Variants in GRIK1 observed in about 807,000 individuals in gnomAD.
GRIK1 encodes glutamate receptor ionotropic, kainate 1.
A neutral mutation model predicts 105.7 loss-of-function variants in GRIK1; 69 were observed. That is an observed-to-expected ratio of 0.65 (90% CI 0.54 to 0.80). The LOEUF (loss-of-function observed/expected upper bound fraction) is 0.80, where lower values mean the gene tolerates loss of function less well. Among genes scored for constraint, GRIK1 ranks in the 30% least tolerant of loss-of-function variants. GRIK1 has a pLI of 0.00. For synonymous variants in GRIK1, 438 were observed against 431.3 expected, an observed-to-expected ratio of 1.02 and a Z score of -0.19; for missense variants, 1,109 against 1,167.3, an observed-to-expected ratio of 0.95 and a Z score of 0.73.
At chr21:29,705,372 A>G (rs991571746) in intron 1 of GRIK1, among the ~76,000 whole-genome samples, 11 of 152,228 alleles carry the variant, frequency 7.2e-5, no homozygotes, top group Non-Finnish European at 1.2e-4. Context: ...CTACACAATG[A>G]CATTTGTCTC....
At chr21:29,722,833 T>C (rs2064356466) in intron 1 of GRIK1, among the ~76,000 whole-genome samples, 1 of 152,186 alleles carries the variant, frequency 6.6e-6, no homozygotes, top group Admixed American at 6.5e-5. Context: ...AGCAAAGAGA[T>C]TGAATTGAGA....
At chr21:29,874,103 C>T (rs773311194) in intron 1 of GRIK1, among the ~76,000 whole-genome samples, 1 of 152,098 alleles carries the variant, frequency 6.6e-6, no homozygotes, top group African/African-American at 2.4e-5. Context: ...GATGAAGATT[C>T]GCTCACTCGC....
Position 29,537,320 on chromosome 21 carries a change from CT to C in GRIK1, c.2759del (p.Lys920ArgfsTer37). 3 of 1,610,972 alleles carry C rather than the reference CT, an allele frequency of 1.9e-6. No homozygotes were observed. In the South Asian group the frequency reaches 3.3e-5, roughly 18 times the overall value. The part of the protein sequence containing the change: ...GISLKNQKKI[K>X]KKSRTKGKSS... ...ATTTCCCCTTAGTTCTTGACTTTTT[CT>C]TTATTTTTTTCTGATTCTTCAGTGA... On this transcript the variant is annotated frameshift_variant, in exon 18 of 18. Coordinates refer to ENST00000327783, the MANE Select transcript of GRIK1 (RefSeq NM_001330994.2). LOFTEE classifies it high-confidence loss of function.
At position 29,831,555 on chromosome 21, in the gene GRIK1, A is replaced by G. The variant is rs926507204; in HGVS notation, c.118+107828T>C. The stretch of plus-strand genomic sequence containing the variant: ...TGGCGGAAGGCAAAGGGGAAGCAGG[A>G]ACATCTTACATGGCCAGAAGAGAAG... On this transcript the variant is annotated intron_variant, in intron 1 of 17. Coordinates refer to ENST00000327783, the MANE Select transcript of GRIK1 (RefSeq NM_001330994.2). 1.2e-4 allele frequency among the ~76,000 whole-genome samples: 18 copies of G among 152,268 alleles called. No homozygotes were observed. The South Asian group carries it at 2.1e-3, about 18-fold the overall frequency.
chr21:29,913,608 AG>A (rs1321132561), intron 1 of GRIK1, among the ~76,000 whole-genome samples: 10 of 151,526 alleles, frequency 6.6e-5, no homozygotes, highest in Non-Finnish European at 1.5e-4. Flanking sequence ...AGTGTAGAAA[AG>A]GTGAGATATA....
At chr21:29,549,538 A>G (rs1217464239) in intron 16 of GRIK1, among the ~76,000 whole-genome samples, 1 of 152,220 alleles carries the variant, frequency 6.6e-6, no homozygotes, top group Non-Finnish European at 1.5e-5. Context: ...GTAAATGCAG[A>G]TTCCTGGACT....
chr21:29,557,500 C>A (rs367807914), intron 15 of GRIK1, among the ~76,000 whole-genome samples: 5 of 152,170 alleles, frequency 3.3e-5, no homozygotes, highest in Non-Finnish European at 7.4e-5. Flanking sequence ...ACTCCCACCC[C>A]TACATAAGCC....
At chr21:29,714,876 TATG>T (rs2064142008) in intron 1 of GRIK1, among the ~76,000 whole-genome samples, 2 of 152,232 alleles carry the variant, frequency 1.3e-5, no homozygotes, top group Admixed American at 6.5e-5. Flanking sequence ...CAATCAGAGT[TATG>T]ATAACGCTAA....
intron 1 of GRIK1, among the ~76,000 whole-genome samples, chr21:29,893,895 G>A (rs775574925): frequency 2.4e-4 from 36 of 152,206 alleles, no homozygotes; most frequent in Non-Finnish European, 5.0e-4. Flanking sequence ...CTTGAGAGGT[G>A]GCAGGAGTGG....
intron 13 of GRIK1, among the ~76,000 whole-genome samples, chr21:29,579,981 A>ATG (rs1212738964): frequency 1.6e-4 from 23 of 143,564 alleles, no homozygotes; most frequent in South Asian, 4.3e-4. Flanking sequence ...ATATATATAT[A>ATG]TGTGTGTATA....
At chr21:29,632,698 TG>T (rs1288361451) in intron 7 of GRIK1, among the ~76,000 whole-genome samples, 1 of 152,164 alleles carries the variant, frequency 6.6e-6, no homozygotes, top group Non-Finnish European at 1.5e-5. Context: ...TTAATCAATG[TG>T]GGGTAGAACC....
chr21:29,731,124 C>A (rs1174666688), intron 1 of GRIK1, among the ~76,000 whole-genome samples: 2 of 152,146 alleles, frequency 1.3e-5, no homozygotes, highest in African/African-American at 4.8e-5. Context: ...GGTTTCCCAT[C>A]AAAACTTTCA....
At chr21:29,631,186 A>G (rs1048093179) in intron 7 of GRIK1, among the ~76,000 whole-genome samples, 11 of 152,144 alleles carry the variant, frequency 7.2e-5, no homozygotes, top group Admixed American at 5.2e-4. Context: ...CAGCAGTCCT[A>G]CTTCTAGGTG....
rs140996298 is a variant in GRIK1, at chr21:29,558,198, G to A, written c.2357-2896C>T. Among the ~76,000 whole-genome samples, 39 of 152,196 alleles carry A rather than the reference G, an allele frequency of 2.6e-4. No individual in the cohort carries two copies. In the East Asian group the frequency reaches 7.5e-3, roughly 29 times the overall value. The stretch of plus-strand genomic sequence containing the variant: ...TGACTCTGCCAATCTTTGATTATGG[G>A]ACAGAGCTTGCAGCCATAAGGGAGT... On this transcript the variant is annotated intron_variant, in intron 15 of 17. Transcript: ENST00000327783.
chr21:29,637,523 G>C (rs1239716380), intron 7 of GRIK1, among the ~76,000 whole-genome samples: 1 of 152,238 alleles, frequency 6.6e-6, no homozygotes, highest in Non-Finnish European at 1.5e-5. Flanking sequence ...AATGGTAATA[G>C]GAGGTGGGGG....
At chr21:29,667,352 T>A (rs963668579) in intron 4 of GRIK1, among the ~76,000 whole-genome samples, 1 of 152,168 alleles carries the variant, frequency 6.6e-6, no homozygotes, top group African/African-American at 2.4e-5. Context: ...AGCATTGTCA[T>A]TGCACTTTCT....
chr21:29,587,239 C>A, intron 12 of GRIK1, 127 bp downstream of exon 12: 1 of 548,764 alleles, frequency 1.8e-6, no homozygotes, highest in Non-Finnish European at 3.2e-6. Context: ...GGAAACCTTC[C>A]AAGAATAGAA....
intron 1 of GRIK1, among the ~76,000 whole-genome samples, chr21:29,778,053 T>G (rs2065995412): frequency 6.6e-6 from 1 of 152,176 alleles, no homozygotes. Flanking sequence ...AAAACGTATC[T>G]GAATCATAGG....
At chr21:29,797,700 G>A (rs1290845269) in intron 1 of GRIK1, among the ~76,000 whole-genome samples, 1 of 152,146 alleles carries the variant, frequency 6.6e-6, no homozygotes, top group Non-Finnish European at 1.5e-5. Context: ...TGATCACCTT[G>A]AAAAGAACAG....
Sources: gnomAD v4.1 joint callset for allele counts (sites outside exome capture counted in the v4.1 genomes callset) on GRCh38, gnomAD v4.1.1 for gene constraint, MANE v1.5 for transcripts, NCBI Gene and HGNC (gene_info 2026-07-23, HGNC 2026-07-21) for gene names.